Variants in EYS observed in about 807,000 individuals in gnomAD.
EYS encodes EGF-like photoreceptor maintenance factor.
Under a neutral mutation model 282.1 loss-of-function variants are expected in EYS, and 250 were observed. The ratio of observed to expected loss-of-function variants is 0.89; its 90% CI spans 0.80 to 0.98. The LOEUF is 0.98. Among genes scored for constraint, EYS ranks in the 50% least tolerant of loss-of-function variants. The pLI is 0.00. For missense variants in EYS, 4,016 were observed against 3,709.0 expected (o/e 1.08, Z -2.15); for synonymous variants, 1,355 against 1,282.9 (o/e 1.06, Z -1.20).
chr6:64,837,684 G>GATATATATATATATAGGAT (rs35119556), intron 19 of EYS, among the ~76,000 whole-genome samples: 2 of 141,120 alleles, frequency 1.4e-5, no homozygotes, highest in Admixed American at 1.4e-4. Context: ...ATATATATAG[G>GATATATATATATATAGGAT]ATATATATAT....
At chr6:65,209,049 T>C (rs1766107064) in intron 12 of EYS, among the ~76,000 whole-genome samples, 1 of 151,896 alleles carries the variant, frequency 6.6e-6, no homozygotes, top group Admixed American at 6.6e-5. Flanking sequence ...CTACAACTAA[T>C]TTGATGTTAT....
chr6:65,506,218 T>C (rs1411784256), intron 2 of EYS, among the ~76,000 whole-genome samples: 4 of 152,116 alleles, frequency 2.6e-5, no homozygotes, highest in African/African-American at 9.6e-5. Context: ...TGAGTCTTTA[T>C]ATTTAAAGCG....
At chr6:65,665,194 T>C (rs1768153998) in intron 1 of EYS, among the ~76,000 whole-genome samples, 1 of 152,150 alleles carries the variant, frequency 6.6e-6, no homozygotes, top group Admixed American at 6.5e-5. Context: ...ATGTCTTAAC[T>C]TCAAATATCG....
At chr6:64,271,989 G>A (rs996091289) in intron 30 of EYS, among the ~76,000 whole-genome samples, 13 of 152,030 alleles carry the variant, frequency 8.6e-5, no homozygotes, top group African/African-American at 2.4e-4. Flanking sequence ...ACAGGCATGC[G>A]CCATCATGCC....
At chr6:64,550,029 T>C (rs1268340825) in intron 26 of EYS, among the ~76,000 whole-genome samples, 1 of 152,150 alleles carries the variant, frequency 6.6e-6, no homozygotes, top group East Asian at 1.9e-4. Context: ...GAATGATGGT[T>C]TCCCGCTTCA....
chr6:64,563,460 C>A (rs1355330500), intron 26 of EYS, among the ~76,000 whole-genome samples: 1 of 151,884 alleles, frequency 6.6e-6, no homozygotes, highest in Non-Finnish European at 1.5e-5. Context: ...ATTCTGACAC[C>A]AAATTTGACT....
chr6:65,540,130 G>T (rs7774357), intron 2 of EYS, among the ~76,000 whole-genome samples: 9,043 of 152,204 alleles, frequency 0.059, 811 homozygotes, highest in African/African-American at 0.19. Context: ...ATCCAGAAGG[G>T]ACATAAGAGA....
At chr6:64,703,429 A>ATATATTTTTTTTTTTTT (rs869208549) in intron 22 of EYS, among the ~76,000 whole-genome samples, 21 of 23,354 alleles carry the variant, frequency 9.0e-4, no homozygotes, top group African/African-American at 1.9e-3. Context: ...ATATATATAT[A>ATATATTTTTTTTTTTTT]TTTTTTTTTT....
At chr6:64,128,189 C>T (rs1164500504) in intron 31 of EYS, among the ~76,000 whole-genome samples, 2 of 152,084 alleles carry the variant, frequency 1.3e-5, no homozygotes, top group African/African-American at 2.4e-5. Flanking sequence ...CTGAGCAGTA[C>T]GATCTTTTAT....
At chr6:65,556,669 CA>C (rs1433066577) in intron 2 of EYS, among the ~76,000 whole-genome samples, 1 of 152,014 alleles carries the variant, frequency 6.6e-6, no homozygotes. Flanking sequence ...AAAATATTAG[CA>C]ATATTAGTTC....
chr6:65,543,943 G>A (rs1339430300), intron 2 of EYS, among the ~76,000 whole-genome samples: 1 of 151,798 alleles, frequency 6.6e-6, no homozygotes, highest in Admixed American at 6.6e-5. Context: ...AGTTGAGAGT[G>A]AAAAATTTCA....
At chr6:64,893,028 T>G (rs1005092817) in intron 18 of EYS, among the ~76,000 whole-genome samples, 30 of 152,194 alleles carry the variant, frequency 2.0e-4, no homozygotes, top group African/African-American at 6.0e-4. Flanking sequence ...TTTCTTTAAA[T>G]GCACTAGCCA....
chr6:64,346,249 A>G (rs980091014), intron 29 of EYS, among the ~76,000 whole-genome samples: 7 of 152,126 alleles, frequency 4.6e-5, no homozygotes, highest in African/African-American at 1.7e-4. Context: ...AGACACATGC[A>G]TACGTATGTT....
intron 31 of EYS, among the ~76,000 whole-genome samples, chr6:64,177,920 C>G (rs960259310): frequency 5.9e-5 from 9 of 152,126 alleles, no homozygotes; most frequent in Admixed American, 4.6e-4. Flanking sequence ...CTCAGTTCTC[C>G]TTTTAGCATA....
At chr6:64,072,144 A>G (rs904081704) in intron 32 of EYS, among the ~76,000 whole-genome samples, 21 of 152,120 alleles carry the variant, frequency 1.4e-4, no homozygotes, top group African/African-American at 5.1e-4. Flanking sequence ...AGAAGTAAGG[A>G]AACAGATAAA....
chr6:65,378,373 G>A (rs1243112666), intron 8 of EYS, among the ~76,000 whole-genome samples: 1 of 152,084 alleles, frequency 6.6e-6, no homozygotes, highest in East Asian at 1.9e-4. Context: ...ATCATTAAAT[G>A]TCAGGAATCA....
intron 12 of EYS, among the ~76,000 whole-genome samples, chr6:65,073,502 C>G (rs1773957515): frequency 1.3e-5 from 2 of 151,686 alleles, no homozygotes; most frequent in Admixed American, 1.3e-4. Flanking sequence ...TATCTACTTA[C>G]AGAACCCAAA....
chr6:65,544,580 T>A (rs781423052), intron 2 of EYS, among the ~76,000 whole-genome samples: 20 of 152,126 alleles, frequency 1.3e-4, no homozygotes, highest in Non-Finnish European at 2.5e-4. Flanking sequence ...CCTTCCGCCA[T>A]GATTGTAAGT....
intron 26 of EYS, among the ~76,000 whole-genome samples, chr6:64,560,917 A>G (rs1765374493): frequency 6.6e-6 from 1 of 152,250 alleles, no homozygotes; most frequent in Non-Finnish European, 1.5e-5. Flanking sequence ...AGTATTTTTG[A>G]TGCACATTGA....
Sources: gnomAD v4.1 joint callset for allele counts (sites outside exome capture counted in the v4.1 genomes callset) on GRCh38, gnomAD v4.1.1 for gene constraint, MANE v1.5 for transcripts, NCBI Gene and HGNC (gene_info 2026-07-23, HGNC 2026-07-21) for gene names.